The following PSTPIP2 variants were observed in gnomAD, a reference collection of about 807,000 sequenced individuals.
The protein encoded by PSTPIP2 is proline-serine-threonine phosphatase-interacting protein 2.
Under a neutral mutation model 63.3 loss-of-function variants are expected in PSTPIP2, and 33 were observed. The ratio of observed to expected loss-of-function variants is 0.52; its 90% confidence interval spans 0.40 to 0.70. PSTPIP2 has a LOEUF of 0.70. Ranked by LOEUF, PSTPIP2 falls within the 30% of genes least tolerant of loss-of-function variation. The probability of loss-of-function intolerance (pLI) is 0.00; values close to 1 mark genes in which losing one functional copy is unlikely to be tolerated. For missense variants in PSTPIP2, 312 were observed against 400.7 expected, an observed-to-expected ratio of 0.78 and a Z score of 1.89; for synonymous variants, 125 against 132.7, an observed-to-expected ratio of 0.94 and a Z score of 0.40.
chr18:46,033,037 A>G (rs1455510607), intron 2 of PSTPIP2, among the ~76,000 whole-genome samples: 1 of 152,252 alleles, frequency 6.6e-6, no homozygotes, highest in East Asian at 1.9e-4. Flanking sequence ...GACCCATGTT[A>G]TTAGATCCAA....
chr18:46,022,043 A>T (rs941258602), intron 3 of PSTPIP2, among the ~76,000 whole-genome samples: 32 of 151,956 alleles, frequency 2.1e-4, no homozygotes, highest in Admixed American at 2.0e-3. Context: ...GGTGATGGGT[A>T]TATAGCTATT....
At position 45,984,368 on chromosome 18, in the gene PSTPIP2, G is replaced by A. The variant is rs771156692; in HGVS notation, c.*1091C>T. The A allele has an allele frequency of 6.6e-6, 1 of 152,140 alleles. No homozygotes were observed. Among genetic ancestry groups the A allele is most frequent in the Non-Finnish European group, 1.5e-5 (1 of 68,016 alleles). The allele number at this position is 152,140 out of a possible 1,614,324, so 9.4% of individuals were successfully genotyped here. A position where few individuals can be genotyped will look rare whatever the true frequency, so the allele number is the denominator to read the frequency against. On this transcript the variant is annotated 3_prime_UTR_variant, in exon 15 of 15. Transcript: ENST00000409746. ...AGTACATGACCTCCCTGCTGTTTGT[G>A]AGTGAAAAAGGAAAACCCAAATATT...
chr18:45,985,889 G>T (rs1407646759), intron 14 of PSTPIP2, among the ~76,000 whole-genome samples: 1 of 151,436 alleles, frequency 6.6e-6, no homozygotes, highest in Admixed American at 6.6e-5. Context: ...TGATTCTCCT[G>T]CCTCAGCCTC....
chr18:45,997,671 C>CCG (rs1340287692), intron 9 of PSTPIP2, 78 bp downstream of exon 9: 1 of 234,826 alleles, frequency 4.3e-6, no homozygotes, highest in African/African-American at 2.9e-5. Context: ...CCCCTCCCCC[C>CCG]CCCGTCCTGA....
chr18:46,063,872 G>A (rs1482816170), intron 1 of PSTPIP2, among the ~76,000 whole-genome samples: 1 of 152,160 alleles, frequency 6.6e-6, no homozygotes, highest in Admixed American at 6.6e-5. Context: ...ACTAGCATCC[G>A]CACATACTAT....
intron 1 of PSTPIP2, among the ~76,000 whole-genome samples, chr18:46,063,959 TGTTA>T (rs1162062955): frequency 6.6e-6 from 1 of 152,204 alleles, no homozygotes; most frequent in East Asian, 1.9e-4. Flanking sequence ...AATGTCCTTC[TGTTA>T]GTTAATGGTT....
At chr18:46,056,345 C>T (rs918033922) in intron 1 of PSTPIP2, among the ~76,000 whole-genome samples, 3 of 152,224 alleles carry the variant, frequency 2.0e-5, no homozygotes, top group Non-Finnish European at 2.9e-5. Flanking sequence ...TGGTCCAAAA[C>T]GTCACCCTCC....
intron 1 of PSTPIP2, among the ~76,000 whole-genome samples, chr18:46,068,206 T>C (rs891303535): frequency 6.6e-6 from 1 of 152,166 alleles, no homozygotes; most frequent in African/African-American, 2.4e-5. Flanking sequence ...ATAAGCAATC[T>C]GGAGAATACT....
At chr18:46,060,422 G>T (rs1364936543) in intron 1 of PSTPIP2, among the ~76,000 whole-genome samples, 1 of 152,128 alleles carries the variant, frequency 6.6e-6, no homozygotes, top group Non-Finnish European at 1.5e-5. Flanking sequence ...GAAACACATT[G>T]TAGTCCTAAA....
intron 4 of PSTPIP2, among the ~76,000 whole-genome samples, chr18:46,011,691 A>G (rs2097888348): frequency 6.6e-6 from 1 of 152,236 alleles, no homozygotes; most frequent in Admixed American, 6.5e-5. Context: ...CTAAATGTTT[A>G]TAAGAAAGGT....
At chr18:46,068,590 G>T (rs1909277437) in intron 1 of PSTPIP2, among the ~76,000 whole-genome samples, 3 of 151,914 alleles carry the variant, frequency 2.0e-5, no homozygotes, top group African/African-American at 7.2e-5. Flanking sequence ...GAGCCACCAT[G>T]CCCGGCCGGC....
Position 46,072,210 on chromosome 18 carries a change from GA to G in PSTPIP2, c.-23del. ...TCATCGCAGCGCGAGTGGGGGCGCG[GA>G]GGAGAGCCGGGCCGCAGGTAGCACA... On this transcript the variant is annotated 5_prime_UTR_variant, in exon 1 of 15. Coordinates refer to ENST00000409746, the MANE Select transcript of PSTPIP2 (RefSeq NM_024430.4). 1 of 1,533,552 alleles carries G rather than the reference GA, an allele frequency of 6.5e-7. No homozygotes were observed. The highest frequency in any genetic ancestry group is 8.8e-7 in the Non-Finnish European group (1 of 1,140,106). 95.0% of individuals were successfully genotyped at this position (1,533,552 alleles called of 1,614,324 possible). A position where few individuals can be genotyped will look rare whatever the true frequency, so the allele number is the denominator to read the frequency against.
intron 2 of PSTPIP2, among the ~76,000 whole-genome samples, chr18:46,034,990 T>C (rs1907914896): frequency 6.6e-6 from 1 of 152,202 alleles, no homozygotes; most frequent in Non-Finnish European, 1.5e-5. Flanking sequence ...GAGCTCATTA[T>C]ATAATATTTC....
Position 46,015,403 on chromosome 18 carries a change from T to C in PSTPIP2, c.247+500A>G, listed in dbSNP as rs75986886. 5.4e-3 allele frequency among the ~76,000 whole-genome samples: 815 copies of C among 151,938 alleles called. 9 individuals carry two copies. Among genetic ancestry groups the C allele is most frequent in the Middle Eastern group, 0.014 (4 of 294 alleles). ...GCATAAGAACATACCAGGGGTTAGG[T>C]TGGTAGACAGTCTGGCTGAGGCAGG... is the stretch of plus-strand genomic sequence containing the variant. On this transcript the variant is annotated intron_variant, in intron 4 of 14. Coordinates refer to ENST00000409746, the MANE Select transcript of PSTPIP2 (RefSeq NM_024430.4).
chr18:45,990,369 C>A (rs2051513650), intron 13 of PSTPIP2, among the ~76,000 whole-genome samples: 1 of 152,048 alleles, frequency 6.6e-6, no homozygotes, highest in African/African-American at 2.4e-5. Context: ...AAAGTTCTAG[C>A]TATTTAATTT....
Position 45,984,801 on chromosome 18 carries a change from T to C in PSTPIP2, c.*658A>G, listed in dbSNP as rs1197292553. On this transcript the variant is annotated 3_prime_UTR_variant, in exon 15 of 15. Coordinates refer to ENST00000409746, the MANE Select transcript of PSTPIP2 (RefSeq NM_024430.4). ...ACTGAAAAAGTGCTGGCAAAAATATTTGGCATCTTAAATTTCAGCATGAGC... is the reference window on the plus strand; with the variant it reads ...ACTGAAAAAGTGCTGGCAAAAATATCTGGCATCTTAAATTTCAGCATGAGC... The C allele has an allele frequency of 1.3e-5, 2 of 152,238 alleles. No homozygotes were observed. The highest frequency in any genetic ancestry group is 2.9e-5 in the Non-Finnish European group (2 of 68,066). 9.4% of individuals were successfully genotyped at this position (152,238 alleles called of 1,614,324 possible).
chr18:45,992,292 G>T, intron 10 of PSTPIP2, 90 bp from the exon 11 acceptor site: 1 of 1,088,526 alleles, frequency 9.2e-7, no homozygotes. Context: ...GCGGGGCGCA[G>T]TGGCTCATGT....
In PSTPIP2 at chr18:46,041,151, G is replaced by T. The variant is rs149915903; in HGVS notation, c.34-1104C>A. Reference sequence around the variant, plus strand: ...AGCCAGGAACCAGGATTCAGGAGTGGGAGAATGGGGCTGTCTGTCCACTGG... The same window carrying T: ...AGCCAGGAACCAGGATTCAGGAGTGTGAGAATGGGGCTGTCTGTCCACTGG... On this transcript the variant is annotated intron_variant, in intron 1 of 14. Coordinates refer to ENST00000409746, the MANE Select transcript of PSTPIP2 (RefSeq NM_024430.4). 95 of 438,460 alleles carry T rather than the reference G, an allele frequency of 2.2e-4. No homozygotes were observed. The East Asian group carries it at 4.5e-3, about 21-fold the overall frequency. The allele number at this position is 438,460 out of a possible 1,614,324, so 27.2% of individuals were successfully genotyped here. A position where few individuals can be genotyped will look rare whatever the true frequency, so the allele number is the denominator to read the frequency against.
At chr18:46,043,165 C>A (rs1410272317) in intron 1 of PSTPIP2, among the ~76,000 whole-genome samples, 2 of 146,916 alleles carry the variant, frequency 1.4e-5, no homozygotes, top group African/African-American at 2.5e-5. Context: ...GCGGGAGGAT[C>A]GCTTGAGCTC....
Sources: gnomAD v4.1 joint callset for allele counts (sites outside exome capture counted in the v4.1 genomes callset) on GRCh38, gnomAD v4.1.1 for gene constraint, MANE v1.5 for transcripts, NCBI Gene and HGNC (gene_info 2026-07-23, HGNC 2026-07-21) for gene names.